The following RAPGEF4 variants were observed in gnomAD, a reference collection of about 807,000 sequenced individuals.
The protein encoded by RAPGEF4 is RAP guanine-nucleotide-exchange factor (GEF) 4.
Under a neutral mutation model 147.9 loss-of-function variants are expected in RAPGEF4, and 66 were observed. The observed-to-expected ratio is 0.45, with a 90% CI of 0.37 to 0.55. The LOEUF is 0.55. RAPGEF4 is among the 20% of genes least tolerant of loss of function. The pLI is 0.00. For synonymous variants in RAPGEF4, 419 were observed against 442.7 expected (o/e 0.95, Z 0.67); for missense variants, 1,071 against 1,257.3 (o/e 0.85, Z 2.24).
intron 4 of RAPGEF4, among the ~76,000 whole-genome samples, chr2:172,852,537 A>G (rs1692971192): frequency 6.6e-6 from 1 of 152,136 alleles, no homozygotes; most frequent in Non-Finnish European, 1.5e-5. Flanking sequence ...CCCTGTTTCA[A>G]CTTCCTTGTG....
chr2:173,010,630 T>C lies in RAPGEF4; in HGVS notation c.1659-3834T>C, dbSNP rs533822681. 2.6e-5 allele frequency among the ~76,000 whole-genome samples: 4 copies of C among 152,338 alleles called. No individual in the cohort carries two copies. In the South Asian group the frequency reaches 8.3e-4, roughly 32 times the overall value. The stretch of plus-strand genomic sequence containing the variant: ...TGGCTGCTACCTGAAGGGAATATAG[T>C]TTTTCCCCCTTCCTACCTTTTTTGT... On this transcript the variant is annotated intron_variant, in intron 17 of 30. Transcript: ENST00000397081.
chr2:173,027,398 A>G lies in RAPGEF4; in HGVS notation c.2558+139A>G, dbSNP rs1405276450. The G allele has an allele frequency of 3.2e-5, 19 of 594,090 alleles. No individual in the cohort carries two copies. The Admixed American group carries it at 6.5e-4, about 20-fold the overall frequency. 36.8% of individuals were successfully genotyped at this position (594,090 alleles called of 1,614,324 possible). On this transcript the variant is annotated intron_variant, in intron 25 of 30. Transcript: ENST00000397081. ...AAACACAGGGTCTTAGGAATAACCA[A>G]ACTCTTGTAATGGATCTCTCCTATA...
intron 4 of RAPGEF4, among the ~76,000 whole-genome samples, chr2:172,874,650 T>G (rs1265952587): frequency 6.6e-6 from 1 of 152,198 alleles, no homozygotes; most frequent in Non-Finnish European, 1.5e-5. Context: ...TCTATCATTG[T>G]TGGACATTTG....
At chr2:172,838,845 CGTTAGA>C (rs909699500) in intron 4 of RAPGEF4, among the ~76,000 whole-genome samples, 123 of 100,726 alleles carry the variant, frequency 1.2e-3, no homozygotes, top group Non-Finnish European at 1.9e-3. Flanking sequence ...GCATGAAACG[CGTTAGA>C]GAAAACCAAA....
intron 18 of RAPGEF4, among the ~76,000 whole-genome samples, 198 bp downstream of exon 18, chr2:173,014,812 G>T (rs1401648304): frequency 6.6e-6 from 1 of 152,058 alleles, no homozygotes; most frequent in African/African-American, 2.4e-5. Flanking sequence ...CTCCCTAATG[G>T]GTAGCATTTT....
At chr2:172,977,904 A>G (rs894008348) in intron 10 of RAPGEF4, among the ~76,000 whole-genome samples, 1 of 152,226 alleles carries the variant, frequency 6.6e-6, no homozygotes, top group East Asian at 1.9e-4. Context: ...GGATTGCCAA[A>G]TGATAGTTGC....
At chr2:172,847,503 C>A (rs539261217) in intron 4 of RAPGEF4, among the ~76,000 whole-genome samples, 3 of 152,256 alleles carry the variant, frequency 2.0e-5, no homozygotes, top group Admixed American at 1.3e-4. Flanking sequence ...TCTCACCTGA[C>A]CAGAAAGCCG....
intron 1 of RAPGEF4, among the ~76,000 whole-genome samples, chr2:172,753,311 C>A (rs1695462277): frequency 6.6e-6 from 1 of 150,680 alleles, no homozygotes; most frequent in South Asian, 2.1e-4. Context: ...AAAATAAAAA[C>A]AACAAAATGG....
intron 4 of RAPGEF4, among the ~76,000 whole-genome samples, chr2:172,857,790 A>G (rs999563721): frequency 6.6e-6 from 1 of 151,580 alleles, no homozygotes; most frequent in Non-Finnish European, 1.5e-5. Context: ...TGAGGTGGCG[A>G]AGATCACTTG....
intron 13 of RAPGEF4, among the ~76,000 whole-genome samples, 194 bp from the exon 14 acceptor site, chr2:172,988,499 T>C (rs1692498501): frequency 6.6e-6 from 1 of 152,240 alleles, no homozygotes; most frequent in African/African-American, 2.4e-5. Context: ...TACATTTAAG[T>C]TAAGCCACAG....
intron 4 of RAPGEF4, among the ~76,000 whole-genome samples, chr2:172,819,798 A>G (rs1164751094): frequency 6.6e-6 from 1 of 152,150 alleles, no homozygotes; most frequent in African/African-American, 2.4e-5. Flanking sequence ...ATAATTTACA[A>G]TTTAAACTCT....
At chr2:173,048,488 ACAT>A in intron 29 of RAPGEF4, 109 bp from the exon 30 acceptor site, 1 of 1,512,096 alleles carries the variant, frequency 6.6e-7, no homozygotes, top group South Asian at 1.3e-5. Flanking sequence ...ACATCTCAGA[ACAT>A]GTCACTTCTC....
intron 4 of RAPGEF4, among the ~76,000 whole-genome samples, chr2:172,907,127 T>G (rs1047870918): frequency 1.3e-5 from 2 of 152,262 alleles, no homozygotes; most frequent in African/African-American, 4.8e-5. Flanking sequence ...GTGCTCTTGA[T>G]GGAGACAATT....
At chr2:172,962,286 T>A (rs1250812217) in intron 8 of RAPGEF4, among the ~76,000 whole-genome samples, 1 of 152,038 alleles carries the variant, frequency 6.6e-6, no homozygotes, top group African/African-American at 2.4e-5. Context: ...TCAGAACCCA[T>A]CAGCATTGGC....
intron 6 of RAPGEF4, among the ~76,000 whole-genome samples, chr2:172,951,864 G>A (rs1023606711): frequency 6.6e-6 from 1 of 152,118 alleles, no homozygotes; most frequent in African/African-American, 2.4e-5. Flanking sequence ...ATGCGGCTAT[G>A]GGGTTGATGA....
intron 1 of RAPGEF4, among the ~76,000 whole-genome samples, chr2:172,755,111 A>C (rs1695647459): frequency 6.6e-6 from 1 of 152,118 alleles, no homozygotes; most frequent in African/African-American, 2.4e-5. Flanking sequence ...TAGAACCCTG[A>C]GGAATACTCT....
At chr2:173,051,371 T>G (rs1214691225) in intron 30 of RAPGEF4, among the ~76,000 whole-genome samples, 2 of 148,804 alleles carry the variant, frequency 1.3e-5, no homozygotes, top group African/African-American at 5.0e-5. Flanking sequence ...CATGCTTCCC[T>G]TTTAATTTGG....
intron 1 of RAPGEF4, among the ~76,000 whole-genome samples, chr2:172,772,070 C>A (rs145905087): frequency 1.3e-5 from 2 of 152,154 alleles, no homozygotes; most frequent in Non-Finnish European, 2.9e-5. Context: ...GAAACCCTGT[C>A]TCTACAAAAA....
chr2:172,961,040 G>C (rs1259056250), intron 7 of RAPGEF4, 82 bp from the exon 8 acceptor site: 2 of 1,099,942 alleles, frequency 1.8e-6, no homozygotes, highest in African/African-American at 3.1e-5. Flanking sequence ...AGATTGGAAA[G>C]TGGTTTCAGG....
Sources: gnomAD v4.1 joint callset for allele counts (sites outside exome capture counted in the v4.1 genomes callset) on GRCh38, gnomAD v4.1.1 for gene constraint, MANE v1.5 for transcripts, NCBI Gene and HGNC (gene_info 2026-07-23, HGNC 2026-07-21) for gene names.